The following ANXA11 variants were observed in gnomAD, a reference collection of about 807,000 sequenced individuals.
ANXA11 encodes annexin A11.
A neutral mutation model predicts 64.7 loss-of-function variants in ANXA11; 57 were observed. The ratio of observed to expected loss-of-function variants is 0.88; its 90% CI spans 0.71 to 1.10. The LOEUF (loss-of-function observed/expected upper bound fraction) is 1.10. Ranked by LOEUF, ANXA11 falls within the 50% of genes least tolerant of loss-of-function variation. The probability of loss-of-function intolerance (pLI) is 0.00; values close to 1 mark genes in which losing one functional copy is unlikely to be tolerated. For synonymous variants in ANXA11, 260 were observed against 265.2 expected, an observed-to-expected ratio of 0.98 and a Z score of 0.19; for missense variants, 675 against 670.7, an observed-to-expected ratio of 1.01 and a Z score of -0.07.
At chr10:80,166,260 A>G (rs1006575885) in intron 7 of ANXA11, 63 bp from the exon 8 acceptor site, 73 of 994,870 alleles carry the variant, frequency 7.3e-5, no homozygotes, top group Non-Finnish European at 1.1e-4. Flanking sequence ...AAAAATCCAC[A>G]GGAAGTGACT....
intron 8 of ANXA11, among the ~76,000 whole-genome samples, chr10:80,165,517 C>G (rs989151127): frequency 1.3e-5 from 2 of 152,102 alleles, no homozygotes; most frequent in Non-Finnish European, 2.9e-5. Context: ...CATAGTTATG[C>G]GGAGAGTGGT....
At chr10:80,185,332 C>T (rs564115733) in intron 1 of ANXA11, among the ~76,000 whole-genome samples, 50 of 152,300 alleles carry the variant, frequency 3.3e-4, no homozygotes, top group Non-Finnish European at 6.6e-4. Flanking sequence ...GGAATGTGTT[C>T]CCTGACACCA....
At chr10:80,196,867 C>G (rs888546521) in intron 1 of ANXA11, among the ~76,000 whole-genome samples, 1 of 152,220 alleles carries the variant, frequency 6.6e-6, no homozygotes, top group Non-Finnish European at 1.5e-5. Context: ...TGAGGGCTGG[C>G]ACCTGGGGCA....
chr10:80,166,030 GCACACACGCGCGCACACACACA>G (rs1318006824), intron 8 of ANXA11, 32 bp downstream of exon 8: 9 of 1,058,032 alleles, frequency 8.5e-6, no homozygotes, highest in East Asian at 7.4e-5. Flanking sequence ...GCGCGCGTGC[GCACACACGCGCGCACACACACA>G]CACACACACA....
At chr10:80,189,703 C>T (rs1418842319) in intron 1 of ANXA11, among the ~76,000 whole-genome samples, 4 of 152,230 alleles carry the variant, frequency 2.6e-5, no homozygotes, top group Admixed American at 1.3e-4. Flanking sequence ...TTCCTTTGAG[C>T]GTCATGTTGG....
Position 80,170,851 on chromosome 10 carries a change from A to T in ANXA11, c.120T>A (p.Asp40Glu). ...PPPSMPPIGL[D>E]NVATYAGQFN... is the part of the protein sequence containing the mutation. ...ACTGCCCCGCATAGGTGGCCACGTT[A>T]TCCAGCCCGATGGGGGGCATGCTGG... The change falls in exon 4 of 16, where the codon GAT becomes GAA. Residue 40 changes from aspartate (D) to glutamate (E), a missense_variant. By Grantham distance (45) the Asp-to-Glu change is conservative. Transcript: ENST00000422982. 6.5e-7 allele frequency: 1 copy of T among 1,527,406 alleles called. No homozygotes were observed. Among genetic ancestry groups the T allele is most frequent in the Non-Finnish European group, 8.8e-7 (1 of 1,142,624 alleles). The allele number at this position is 1,527,406 out of a possible 1,614,324, so 94.6% of individuals were successfully genotyped here.
chr10:80,169,330 C>T lies in ANXA11; in HGVS notation c.200G>A (p.Gly67Glu). The change falls in exon 5 of 16, where the codon GGA becomes GAA. Residue 67 changes from glycine (G) to glutamate (E), a missense_variant. Transcript: ENST00000422982. ...MAANMSGTFGGANMPNLYPGA... is the reference protein window; with the variant it reads ...MAANMSGTFGEANMPNLYPGA... ...AGGGTACAGGTTGGGCATGTTGGCT[C>T]CTCCAAATGTCCCAGACATGTTGGC... The T allele has an allele frequency of 6.2e-7, 1 of 1,608,956 alleles. No individual in the cohort carries two copies. Among genetic ancestry groups the T allele is most frequent in the Non-Finnish European group, 8.5e-7 (1 of 1,179,830 alleles).
chr10:80,172,838 C>A lies in ANXA11; in HGVS notation c.24G>T (p.Pro8=). MSYPGYP[P]PPGGYPPAAP... ...CAGCTGGTGGGTAGCCACCTGGGGGCGGGGGATAGCCAGGGTAGCTCATGG... is the reference window on the plus strand; with the variant it reads ...CAGCTGGTGGGTAGCCACCTGGGGGAGGGGGATAGCCAGGGTAGCTCATGG... The change falls in exon 3 of 16, where the codon CCG becomes CCT. Residue 8 remains proline (P), a synonymous_variant. Transcript: ENST00000422982. The A allele has an allele frequency of 6.2e-7, 1 of 1,613,954 alleles. No homozygotes were observed. The highest frequency in any genetic ancestry group is 8.5e-7 in the Non-Finnish European group (1 of 1,179,920).
In ANXA11 at chr10:80,151,660, C is replaced by G. The variant is rs1246793324; in HGVS notation, c.*4193G>C. 1 of 152,238 alleles carries G rather than the reference C, an allele frequency of 6.6e-6. No homozygotes were observed. The highest frequency in any genetic ancestry group is 1.5e-5 in the Non-Finnish European group (1 of 68,058). The allele number at this position is 152,238 out of a possible 1,614,324, so 9.4% of individuals were successfully genotyped here. On this transcript the variant is annotated 3_prime_UTR_variant, in exon 16 of 16. Transcript: ENST00000422982. ...ACCGTGGGCACCTGCAAAGGTTCAT[C>G]TTTCAGCTCCCTCTTCCCAAAGCTA... is the stretch of plus-strand genomic sequence containing the variant.
intron 1 of ANXA11, among the ~76,000 whole-genome samples, chr10:80,202,126 C>T (rs923798474): frequency 2.0e-5 from 3 of 151,682 alleles, no homozygotes; most frequent in African/African-American, 7.3e-5. Flanking sequence ...GATCTCAAAC[C>T]CCTTTGCAAA....
At chr10:80,178,779 A>G (rs1846259483) in intron 1 of ANXA11, among the ~76,000 whole-genome samples, 1 of 152,338 alleles carries the variant, frequency 6.6e-6, no homozygotes, top group South Asian at 2.1e-4. Flanking sequence ...CTGCTTCATC[A>G]TGCATGATAA....
chr10:80,162,101 C>A, intron 11 of ANXA11, 73 bp from the exon 12 acceptor site: 1 of 1,296,812 alleles, frequency 7.7e-7, no homozygotes, highest in South Asian at 1.2e-5. Flanking sequence ...CCAGGAGAGC[C>A]TGGTAAACTT....
intron 11 of ANXA11, among the ~76,000 whole-genome samples, chr10:80,162,818 A>G (rs908964458): frequency 1.3e-5 from 2 of 152,174 alleles, no homozygotes; most frequent in Admixed American, 1.3e-4. Flanking sequence ...CTGCCATAAT[A>G]CTACGGTTGA....
intron 2 of ANXA11, among the ~76,000 whole-genome samples, chr10:80,173,479 G>A (rs1343090875): frequency 6.6e-6 from 1 of 152,232 alleles, no homozygotes. Flanking sequence ...GCATCACCCT[G>A]TTTCTGCAGT....
At chr10:80,165,425 T>G (rs1194072385) in intron 8 of ANXA11, among the ~76,000 whole-genome samples, 1 of 152,124 alleles carries the variant, frequency 6.6e-6, no homozygotes, top group Admixed American at 6.5e-5. Flanking sequence ...CCCGCAGGAC[T>G]GGAGGGAACA....
chr10:80,174,069 G>A (rs1206269005), intron 2 of ANXA11, among the ~76,000 whole-genome samples: 3 of 152,076 alleles, frequency 2.0e-5, no homozygotes, highest in African/African-American at 7.2e-5. Context: ...GGTTTTGTTT[G>A]TTTGAGACAG....
At position 80,161,836 on chromosome 10, in the gene ANXA11, G is replaced by A. The variant is rs74145412; in HGVS notation, c.1180+99C>T. Reference sequence around the variant, plus strand: ...TCTTTTGAGGAGGCGAAAGCCCCACGCAGGGAGGAACGACCAAGTGTTCCC... The same window carrying A: ...TCTTTTGAGGAGGCGAAAGCCCCACACAGGGAGGAACGACCAAGTGTTCCC... On this transcript the variant is annotated intron_variant, in intron 12 of 15. Coordinates refer to ENST00000422982, the MANE Select transcript of ANXA11 (RefSeq NM_145868.2). 2.7e-3 allele frequency: 2,824 copies of A among 1,056,674 alleles called. 56 individuals are homozygous for A. In the African/African-American group the frequency reaches 0.039, roughly 15 times the overall value. 65.5% of individuals were successfully genotyped at this position (1,056,674 alleles called of 1,614,324 possible).
intron 2 of ANXA11, among the ~76,000 whole-genome samples, chr10:80,174,589 T>C (rs1176734255): frequency 2.0e-5 from 3 of 151,756 alleles, no homozygotes; most frequent in African/African-American, 7.3e-5. Context: ...CTTTTATTTT[T>C]TAAACAGCGT....
At position 80,153,561 on chromosome 10, in the gene ANXA11, G is replaced by A. The variant is rs1014308788; in HGVS notation, c.*2292C>T. On this transcript the variant is annotated 3_prime_UTR_variant, in exon 16 of 16. Transcript: ENST00000422982. ...CATCACAATTCAGGAGGCCCCCAGG[G>A]TCACCTTGAGTTCATGGCAAGTTGT... 1 of 152,264 alleles carries A rather than the reference G, an allele frequency of 6.6e-6. No homozygotes were observed. The highest frequency in any genetic ancestry group is 2.1e-4 in the South Asian group (1 of 4,830). The allele number at this position is 152,264 out of a possible 1,614,324, so 9.4% of individuals were successfully genotyped here.
Sources: gnomAD v4.1 joint callset for allele counts (sites outside exome capture counted in the v4.1 genomes callset) on GRCh38, gnomAD v4.1.1 for gene constraint, MANE v1.5 for transcripts, NCBI Gene and HGNC (gene_info 2026-07-23, HGNC 2026-07-21) for gene names.